The following NOL10 variants were observed in gnomAD, a reference collection of about 807,000 sequenced individuals.
NOL10 encodes the protein nucleolar protein 10.
A neutral mutation model predicts 103.5 loss-of-function variants in NOL10; 58 were observed. The observed-to-expected ratio is 0.56, with a 90% confidence interval of 0.45 to 0.70. NOL10 has a LOEUF of 0.70. Ranked by LOEUF, NOL10 falls within the 30% of genes least tolerant of loss-of-function variation. The pLI is 0.00. For synonymous variants in NOL10, 287 were observed against 282.5 expected, an observed-to-expected ratio of 1.02 and a Z score of -0.16; for missense variants, 763 against 807.3, an observed-to-expected ratio of 0.95 and a Z score of 0.67.
chr2:10,581,424 T>TCC (rs1489132936), intron 19 of NOL10, among the ~76,000 whole-genome samples: 1 of 151,962 alleles, frequency 6.6e-6, no homozygotes, highest in African/African-American at 2.4e-5. Flanking sequence ...ACAACATACA[T>TCC]CCCAGCACAC....
At chr2:10,639,108 A>G (rs1678524272) in intron 13 of NOL10, among the ~76,000 whole-genome samples, 1 of 148,242 alleles carries the variant, frequency 6.7e-6, no homozygotes, top group Non-Finnish European at 1.5e-5. Context: ...TGGCCAACTG[A>G]ATTACTTTTA....
chr2:10,602,691 G>C, intron 16 of NOL10, 85 bp downstream of exon 16: 4 of 838,820 alleles, frequency 4.8e-6, no homozygotes, highest in Middle Eastern at 3.6e-4. Context: ...ATCAAGAAAA[G>C]AATGGCAGAT....
At chr2:10,676,939 CTTTT>C (rs35181197) in intron 3 of NOL10, among the ~76,000 whole-genome samples, 4 of 144,642 alleles carry the variant, frequency 2.8e-5, no homozygotes, top group East Asian at 2.0e-4. Context: ...AGGCCGGCCT[CTTTT>C]TTTTTTTTTC....
intron 13 of NOL10, among the ~76,000 whole-genome samples, chr2:10,629,587 T>C (rs1677703577): frequency 6.6e-6 from 1 of 152,200 alleles, no homozygotes; most frequent in Non-Finnish European, 1.5e-5. Context: ...GCCTTGATGA[T>C]ATAATTGGGG....
intron 8 of NOL10, among the ~76,000 whole-genome samples, chr2:10,665,540 A>C (rs1680514033): frequency 6.6e-6 from 1 of 152,252 alleles, no homozygotes; most frequent in African/African-American, 2.4e-5. Flanking sequence ...CTAATAATCA[A>C]GGAATTTCCG....
At chr2:10,686,320 G>A (rs986403764) in intron 1 of NOL10, among the ~76,000 whole-genome samples, 1 of 152,196 alleles carries the variant, frequency 6.6e-6, no homozygotes, top group Non-Finnish European at 1.5e-5. Context: ...AAAGCAGGCA[G>A]GCAGGACCTG....
chr2:10,643,390 CTCTCT>C (rs1678849869), intron 13 of NOL10, among the ~76,000 whole-genome samples: 1 of 152,172 alleles, frequency 6.6e-6, no homozygotes, highest in African/African-American at 2.4e-5. Flanking sequence ...CCTCACTCTA[CTCTCT>C]TCTCAAATCT....
At chr2:10,617,814 A>T (rs1275337258) in intron 13 of NOL10, among the ~76,000 whole-genome samples, 1 of 152,222 alleles carries the variant, frequency 6.6e-6, no homozygotes, top group African/African-American at 2.4e-5. Flanking sequence ...ACATGGTACA[A>T]CATGGACGGG....
chr2:10,603,000 A>G (rs1195432068), intron 15 of NOL10, 78 bp downstream of exon 15: 14 of 1,286,866 alleles, frequency 1.1e-5, no homozygotes, highest in Non-Finnish European at 1.5e-5. Flanking sequence ...ATGATTTATG[A>G]AAGTGCGAGT....
intron 2 of NOL10, among the ~76,000 whole-genome samples, chr2:10,683,714 C>T (rs768553320): frequency 4.6e-5 from 7 of 152,152 alleles, no homozygotes; most frequent in Non-Finnish European, 1.5e-5. Context: ...CTGTGTTGCT[C>T]GGCCACAACG....
Position 10,689,960 on chromosome 2 carries a change from G to T in NOL10, c.-99C>A, listed in dbSNP as rs1219298924. Reference sequence around the variant, plus strand: ...CCGAGCCCCTGCTCCGCGGCGTGCGGCCGCTGGCGCCGACTGATGACGCAC... The same window carrying T: ...CCGAGCCCCTGCTCCGCGGCGTGCGTCCGCTGGCGCCGACTGATGACGCAC... On this transcript the variant is annotated 5_prime_UTR_variant, in exon 1 of 21. Transcript: ENST00000381685. 3 of 1,097,136 alleles carry T rather than the reference G, an allele frequency of 2.7e-6. No homozygotes were observed. Among genetic ancestry groups the T allele is most frequent in the Non-Finnish European group, 1.3e-6 (1 of 755,762 alleles). The allele number at this position is 1,097,136 out of a possible 1,614,324, so 68.0% of individuals were successfully genotyped here. A position where few individuals can be genotyped will look rare whatever the true frequency, so the allele number is the denominator to read the frequency against.
chr2:10,678,354 G>A (rs143195413), intron 3 of NOL10, among the ~76,000 whole-genome samples: 101 of 148,850 alleles, frequency 6.8e-4, no homozygotes, highest in African/African-American at 2.3e-3. Flanking sequence ...GTACCCTGCT[G>A]TTTTTTATTG....
intron 13 of NOL10, among the ~76,000 whole-genome samples, chr2:10,639,465 T>C (rs1257311681): frequency 1.3e-5 from 2 of 152,100 alleles, no homozygotes; most frequent in African/African-American, 4.8e-5. Flanking sequence ...CCTACATTTT[T>C]CCTCAAGTTT....
chr2:10,663,505 C>A (rs73167894), intron 8 of NOL10, among the ~76,000 whole-genome samples: 1 of 151,930 alleles, frequency 6.6e-6, no homozygotes, highest in South Asian at 2.1e-4. Context: ...TATCATAATG[C>A]CTGCAACTTA....
chr2:10,678,677 A>G (rs536722252), intron 3 of NOL10, among the ~76,000 whole-genome samples: 52 of 152,288 alleles, frequency 3.4e-4, no homozygotes, highest in African/African-American at 1.1e-3. Context: ...ATCTTACTCA[A>G]CTTTTTAGCC....
intron 16 of NOL10, 129 bp from the exon 17 acceptor site, chr2:10,601,071 A>AT (rs910126120): frequency 5.4e-3 from 2,821 of 520,742 alleles, no homozygotes; most frequent in East Asian, 6.8e-3. Context: ...TTATTTTATT[A>AT]TTTTTTTTTT....
intron 14 of NOL10, among the ~76,000 whole-genome samples, chr2:10,605,747 C>T (rs553297680): frequency 1.4e-4 from 21 of 152,218 alleles, no homozygotes; most frequent in Non-Finnish European, 2.4e-4. Flanking sequence ...ATGAAAATTA[C>T]GTTGGAGACA....
Position 10,667,252 on chromosome 2 carries a change from G to T in NOL10, c.557C>A (p.Ser186Ter). The T allele has an allele frequency of 6.3e-7, 1 of 1,588,528 alleles. No homozygotes were observed. Among genetic ancestry groups the T allele is most frequent in the East Asian group, 2.3e-5 (1 of 44,082 alleles). ...AAENNVCDIN[S>*]VHGLFATGTI... ...TCCTGTGGCAAACAAGCCATGCACT[G>T]AATTTATGTCACAAACATTATTCTC... The change falls in exon 8 of 21, where the codon TCA becomes TAA. Residue 186 changes from serine (S) to a stop codon, truncating the protein, a stop_gained. Transcript: ENST00000381685. LOFTEE classifies it high-confidence loss of function.
intron 17 of NOL10, among the ~76,000 whole-genome samples, chr2:10,592,476 C>T (rs888793155): frequency 6.6e-6 from 1 of 152,020 alleles, no homozygotes; most frequent in African/African-American, 2.4e-5. Flanking sequence ...GGGAACGATG[C>T]GCCATGTCTC....
Sources: gnomAD v4.1 joint callset for allele counts (sites outside exome capture counted in the v4.1 genomes callset) on GRCh38, gnomAD v4.1.1 for gene constraint, MANE v1.5 for transcripts, NCBI Gene and HGNC (gene_info 2026-07-23, HGNC 2026-07-21) for gene names.